TEX9: variants seen among roughly 807,000 people sequenced by gnomAD.
The protein encoded by TEX9 is testis-expressed protein 9.
Under a neutral mutation model 59.6 loss-of-function variants are expected in TEX9, and 74 were observed. The ratio of observed to expected loss-of-function variants is 1.24; its 90% CI spans 1.03 to 1.51. The LOEUF (loss-of-function observed/expected upper bound fraction) is 1.51. Ranked by LOEUF, TEX9 falls within the 40% of genes most tolerant of loss-of-function variation. The pLI is 0.00. For missense variants in TEX9, 522 were observed against 447.8 expected (o/e 1.17, Z -1.49); for synonymous variants, 186 against 152.2 (o/e 1.22, Z -1.64).
chr15:56,316,827 G>T (rs2045780547), intron 1 of TEX9, among the ~76,000 whole-genome samples: 1 of 152,230 alleles, frequency 6.6e-6, no homozygotes, highest in South Asian at 2.1e-4. Context: ...GACCCTCCAA[G>T]CCAGGTGCGG....
At chr15:56,404,752 A>G (rs1392216627) in intron 9 of TEX9, among the ~76,000 whole-genome samples, 2 of 152,202 alleles carry the variant, frequency 1.3e-5, no homozygotes, top group Non-Finnish European at 2.9e-5. Flanking sequence ...TCAATGATAG[A>G]CTGGATTAAG....
intron 1 of TEX9, among the ~76,000 whole-genome samples, chr15:56,286,621 C>G (rs1312370369): frequency 6.6e-6 from 1 of 152,106 alleles, no homozygotes; most frequent in Non-Finnish European, 1.5e-5. Flanking sequence ...CCTTTCTTAC[C>G]CTGGCACTGT....
chr15:56,278,537 AT>A (rs2044736195), intron 1 of TEX9, among the ~76,000 whole-genome samples: 1 of 152,166 alleles, frequency 6.6e-6, no homozygotes, highest in African/African-American at 2.4e-5. Context: ...TCCTTGGGAA[AT>A]TTTGAGATTA....
At chr15:56,427,544 A>ATAATTCTTTC in intron 10 of TEX9, 61 bp from the exon 11 acceptor site, 1 of 1,187,744 alleles carries the variant, frequency 8.4e-7, no homozygotes, top group Non-Finnish European at 1.2e-6. Context: ...ATGATAGTCT[A>ATAATTCTTTC]TAATTCTTTC....
intron 9 of TEX9, among the ~76,000 whole-genome samples, chr15:56,399,760 C>CG (rs1345363509): frequency 3.3e-5 from 5 of 152,164 alleles, no homozygotes; most frequent in African/African-American, 1.2e-4. Flanking sequence ...ACGAAGCTCC[C>CG]GGAGGAAGCA....
intron 1 of TEX9, among the ~76,000 whole-genome samples, chr15:56,289,306 T>C (rs2045029096): frequency 6.6e-6 from 1 of 152,206 alleles, no homozygotes; most frequent in Non-Finnish European, 1.5e-5. Flanking sequence ...ATGTTTCTTA[T>C]TGTTTTATGT....
At chr15:56,323,624 G>T in intron 1 of TEX9, 1 of 157,254 alleles carries the variant, frequency 6.4e-6, no homozygotes, top group South Asian at 1.7e-4. Flanking sequence ...TGTCAAGGCT[G>T]AAAAAAGTGA....
chr15:56,355,668 G>C (rs1435879913), intron 1 of TEX9, among the ~76,000 whole-genome samples: 2 of 152,032 alleles, frequency 1.3e-5, no homozygotes, highest in African/African-American at 2.4e-5. Context: ...ATGTTGATTG[G>C]AGAGAACTGA....
chr15:56,444,733 AT>A, intron 12 of TEX9: 1 of 1,292,710 alleles, frequency 7.7e-7, no homozygotes, highest in Non-Finnish European at 1.1e-6. Context: ...ACGATAGTAT[AT>A]TTTACACCAA....
rs150954676 is a variant in TEX9 at position 56,384,512 on chromosome 15, A to G, written c.263+481A>G. 2.2e-3 allele frequency among the ~76,000 whole-genome samples: 328 copies of G among 152,278 alleles called. 2 individuals are homozygous for G. The highest frequency in any genetic ancestry group is 3.7e-3 in the Non-Finnish European group (251 of 68,022). ...CTGGTGTCTGGGTGACCGTGTGTGGACCATGTAGAAAAAAGGATCTTTCTT... is the reference window on the plus strand; with the variant it reads ...CTGGTGTCTGGGTGACCGTGTGTGGGCCATGTAGAAAAAAGGATCTTTCTT... On this transcript the variant is annotated intron_variant, in intron 4 of 12. Transcript: ENST00000352903.
chr15:56,410,659 G>A (rs1948071199), intron 9 of TEX9, among the ~76,000 whole-genome samples: 1 of 152,052 alleles, frequency 6.6e-6, no homozygotes, highest in Non-Finnish European at 1.5e-5. Context: ...CCCAAGAAGA[G>A]GGCAGTATTG....
intron 3 of TEX9, chr15:56,374,242 C>T (rs2047322270): frequency 6.6e-6 from 1 of 151,818 alleles, no homozygotes; most frequent in Non-Finnish European, 1.5e-5. Flanking sequence ...GTTTTCTACT[C>T]AGAGAGCCCT....
At chr15:56,291,957 C>T (rs59808258) in intron 1 of TEX9, among the ~76,000 whole-genome samples, 5,390 of 152,282 alleles carry the variant, frequency 0.035, 339 homozygotes, top group African/African-American at 0.12. Flanking sequence ...ACAGCACAAC[C>T]CACAGCTGTT....
the TEX9 span, among the ~76,000 whole-genome samples, chr15:56,459,027 T>C: frequency 1.4e-3 from 220 of 152,350 alleles, 1 homozygote; most frequent in African/African-American, 4.9e-3. Flanking sequence ...TGTGTACATT[T>C]GTGTGTGGCA....
intron 9 of TEX9, chr15:56,396,270 T>A (rs2048464168): frequency 6.6e-6 from 1 of 152,212 alleles, no homozygotes; most frequent in Non-Finnish European, 1.5e-5. Flanking sequence ...TATAATTAGC[T>A]TTATCTTGTA....
At chr15:56,400,266 T>A (rs1353714729) in intron 9 of TEX9, among the ~76,000 whole-genome samples, 2 of 152,052 alleles carry the variant, frequency 1.3e-5, no homozygotes, top group African/African-American at 4.8e-5. Flanking sequence ...CTAACTAGAA[T>A]AAACAGTGTA....
chr15:56,320,497 A>T (rs559813979), intron 1 of TEX9, among the ~76,000 whole-genome samples: 1 of 151,450 alleles, frequency 6.6e-6, no homozygotes, highest in East Asian at 1.9e-4. Context: ...AAAGAGAGAG[A>T]TAGAGAGGAG....
At chr15:56,399,675 C>T (rs1352856032) in intron 9 of TEX9, among the ~76,000 whole-genome samples, 2 of 152,200 alleles carry the variant, frequency 1.3e-5, no homozygotes, top group African/African-American at 4.8e-5. Context: ...GTCCCTGACC[C>T]CTGTGTATCC....
intron 1 of TEX9, among the ~76,000 whole-genome samples, chr15:56,313,704 G>C (rs2045682856): frequency 7.0e-6 from 1 of 142,566 alleles, no homozygotes; most frequent in Non-Finnish European, 1.5e-5. Context: ...CTATTGATTG[G>C]AATAGTTTTA....
Sources: allele counts gnomAD v4.1 joint callset (sites outside exome capture counted in the v4.1 genomes callset), GRCh38; gene constraint gnomAD v4.1.1; transcripts MANE v1.5; gene names NCBI Gene and HGNC (gene_info 2026-07-23, HGNC 2026-07-21).